The following CXCL10 variants were observed in gnomAD, a reference collection of about 807,000 sequenced individuals.
The protein encoded by CXCL10 is C-X-C motif chemokine 10.
Under a neutral mutation model 10.8 loss-of-function variants are expected in CXCL10, and 6 were observed. That is an observed-to-expected ratio of 0.55 (90% CI 0.30 to 1.09). CXCL10 has a LOEUF of 1.09. Ranked by LOEUF, CXCL10 falls within the 50% of genes least tolerant of loss-of-function variation. The probability of loss-of-function intolerance (pLI) is 0.06; values close to 1 mark genes in which losing one functional copy is unlikely to be tolerated. For synonymous variants in CXCL10, 35 were observed against 35.8 expected (o/e 0.98, Z 0.08); for missense variants, 114 against 114.3 (o/e 1.00, Z 0.01).
chr4:76,023,432 G>C lies in CXCL10; in HGVS notation c.-1C>G, dbSNP rs1733074044. ...AAATCAGAATGGCAGTTTGATTCAT[G>C]GTGCTGAGACTGGAGGTTCCTCTGC... is the stretch of plus-strand genomic sequence containing the variant. On this transcript the variant is annotated 5_prime_UTR_variant, in exon 1 of 4. Transcript: ENST00000306602. 6.2e-7 allele frequency: 1 copy of C among 1,613,718 alleles called. No individual in the cohort carries two copies. Among genetic ancestry groups the C allele is most frequent in the Non-Finnish European group, 8.5e-7 (1 of 1,179,646 alleles).
intron 1 of CXCL10, among the ~76,000 whole-genome samples, chr4:76,023,067 A>G (rs1006125710): frequency 3.9e-5 from 6 of 152,214 alleles, no homozygotes; most frequent in Admixed American, 3.9e-4. Flanking sequence ...CATTGAGCTT[A>G]GTTAGGTAAG....
At position 76,021,177 on chromosome 4, in the gene CXCL10, T is replaced by C. The variant is rs1044461694; in HGVS notation, c.*753A>G. The C allele has an allele frequency of 3.9e-5, 6 of 152,312 alleles. No homozygotes were observed. Among genetic ancestry groups the C allele is most frequent in the Non-Finnish European group, 5.9e-5 (4 of 68,050 alleles). 9.4% of individuals were successfully genotyped at this position (152,312 alleles called of 1,614,324 possible). On this transcript the variant is annotated 3_prime_UTR_variant, in exon 4 of 4. Transcript: ENST00000306602. ...TCAACATTTAGATAGTCTTTCTTAA[T>C]ATTTCCAGGAGAGTACCTCATTTTT... is the stretch of plus-strand genomic sequence containing the variant.
chr4:76,021,899 A>G lies in CXCL10; in HGVS notation c.*31T>C. Reference sequence around the variant, plus strand: ...AGCCTCTGTGTGGTCCATCCTTGGAAGCACTGCATCGATTTTGCTCCCCTC... The same window carrying G: ...AGCCTCTGTGTGGTCCATCCTTGGAGGCACTGCATCGATTTTGCTCCCCTC... On this transcript the variant is annotated 3_prime_UTR_variant, in exon 4 of 4. Coordinates refer to ENST00000306602, the MANE Select transcript of CXCL10 (RefSeq NM_001565.4). 1 of 1,602,408 alleles carries G rather than the reference A, an allele frequency of 6.2e-7. No individual in the cohort carries two copies. The highest frequency in any genetic ancestry group is 8.6e-7 in the Non-Finnish European group (1 of 1,169,402).
chr4:76,023,302 G>T (rs1028356344), intron 1 of CXCL10, 69 bp downstream of exon 1: 1 of 1,220,998 alleles, frequency 8.2e-7, no homozygotes, highest in Non-Finnish European at 1.2e-6. Context: ...CATTATTTCT[G>T]TATTTTTAGA....
Position 76,022,697 on chromosome 4 carries a change from T to G in CXCL10, c.182A>C (p.Glu61Ala). The G allele has an allele frequency of 6.2e-7, 1 of 1,613,770 alleles. No homozygotes were observed. Among genetic ancestry groups the G allele is most frequent in the Non-Finnish European group, 8.5e-7 (1 of 1,179,818 alleles). ...CAGATGGGATTTCACTCACATGATC[T>G]CAACACGTGGACAAAATTGGCTTGC... ...IPASQFCPRV[E>A]IIATMKKKGE... Residue 61 changes from glutamate to alanine, a missense_variant, in exon 2 of 4, where the codon GAG (glutamate) becomes GCG (alanine). Physicochemically the swap from Glu to Ala is moderately radical, Grantham distance 107. Coordinates refer to ENST00000306602, the MANE Select transcript of CXCL10 (RefSeq NM_001565.4).
In CXCL10 at chr4:76,021,966, G is replaced by A; in HGVS notation, c.279-18C>T. On this transcript the variant is annotated intron_variant, in intron 3 of 3. Coordinates refer to ENST00000306602, the MANE Select transcript of CXCL10 (RefSeq NM_001565.4). The stretch of plus-strand genomic sequence containing the variant: ...TTTTAGACCTGTAAGAAGAGAAAGG[G>A]GATATAAAAGTGTGATAGTCTGACT... The A allele has an allele frequency of 6.2e-7, 1 of 1,605,636 alleles. No individual in the cohort carries two copies.
Position 76,021,822 on chromosome 4 carries a change from A to G in CXCL10, c.*108T>C. ...CACCTTTTAGTGTAACTGCAAACTA[A>G]GAACAATTATGGCTTGACATATACT... On this transcript the variant is annotated 3_prime_UTR_variant, in exon 4 of 4. Transcript: ENST00000306602. The G allele has an allele frequency of 9.0e-7, 1 of 1,113,272 alleles. No individual in the cohort carries two copies. The highest frequency in any genetic ancestry group is 1.4e-6 in the Non-Finnish European group (1 of 731,706). 69.0% of individuals were successfully genotyped at this position (1,113,272 alleles called of 1,614,324 possible). A position where few individuals can be genotyped will look rare whatever the true frequency, so the allele number is the denominator to read the frequency against.
chr4:76,022,953 C>T (rs1733006570), intron 1 of CXCL10, 136 bp from the exon 2 acceptor site: 3 of 806,056 alleles, frequency 3.7e-6, no homozygotes, highest in East Asian at 2.5e-5. Flanking sequence ...GAATGGATCA[C>T]ATCATAACAC....
chr4:76,022,568 TG>T, intron 2 of CXCL10, 113 bp from the exon 3 acceptor site: 4 of 1,474,898 alleles, frequency 2.7e-6, no homozygotes, highest in Non-Finnish European at 2.8e-6. Context: ...TGTTTTTGTT[TG>T]CTGTACATTA....
At position 76,023,466 on chromosome 4, in the gene CXCL10, C is replaced by T. The variant is rs554892214; in HGVS notation, c.-35G>A. On this transcript the variant is annotated 5_prime_UTR_variant, in exon 1 of 4. Transcript: ENST00000306602. ...ACTGGAGGTTCCTCTGCTGTAGGCT[C>T]AGAATATGTCTAAGCAATTGAGGAA... 2 of 1,580,306 alleles carry T rather than the reference C, an allele frequency of 1.3e-6. No individual in the cohort carries two copies. Among genetic ancestry groups the T allele is most frequent in the African/African-American group, 1.3e-5 (1 of 74,368 alleles).
Position 76,021,194 on chromosome 4 carries a change from C to G in CXCL10, c.*736G>C, listed in dbSNP as rs1294171334. The G allele has an allele frequency of 1.3e-5, 2 of 152,086 alleles. No homozygotes were observed. The highest frequency in any genetic ancestry group is 2.9e-5 in the Non-Finnish European group (2 of 68,012). 9.4% of individuals were successfully genotyped at this position (152,086 alleles called of 1,614,324 possible). A position where few individuals can be genotyped will look rare whatever the true frequency, so the allele number is the denominator to read the frequency against. ...TTTCTTAATATTTCCAGGAGAGTACCTCATTTTTATTTTGAAAACCATTCA... is the reference window on the plus strand; with the variant it reads ...TTTCTTAATATTTCCAGGAGAGTACGTCATTTTTATTTTGAAAACCATTCA... On this transcript the variant is annotated 3_prime_UTR_variant, in exon 4 of 4. Transcript: ENST00000306602.
intron 3 of CXCL10, 142 bp from the exon 4 acceptor site, chr4:76,022,090 G>C: frequency 1.2e-6 from 1 of 858,308 alleles, no homozygotes. Flanking sequence ...TATAGGGGTT[G>C]CTTTTTTCAA....
At chr4:76,022,032 A>G (rs1334616557) in intron 3 of CXCL10, 84 bp from the exon 4 acceptor site, 1 of 1,244,854 alleles carries the variant, frequency 8.0e-7, no homozygotes, top group Admixed American at 1.7e-5. Flanking sequence ...TACCGAGTTC[A>G]TAGAATAGAT....
intron 1 of CXCL10, 94 bp from the exon 2 acceptor site, chr4:76,022,911 C>T (rs2149375964): frequency 2.3e-6 from 3 of 1,284,970 alleles, no homozygotes; most frequent in South Asian, 2.9e-5. Context: ...CCTATATCCC[C>T]ATATCAGCAA....
chr4:76,023,305 T>C, intron 1 of CXCL10, 66 bp downstream of exon 1: 1 of 1,260,572 alleles, frequency 7.9e-7, no homozygotes, highest in Non-Finnish European at 1.2e-6. Flanking sequence ...TATTTCTGTA[T>C]TTTTAGAATT....
At chr4:76,022,570 C>T (rs1732956454) in intron 2 of CXCL10, 115 bp from the exon 3 acceptor site, 2 of 1,476,112 alleles carry the variant, frequency 1.4e-6, no homozygotes, top group Admixed American at 1.8e-5. Context: ...TTTTTGTTTG[C>T]TGTACATTAG....
In CXCL10 at chr4:76,022,811, G is replaced by A; in HGVS notation, c.68C>T (p.Pro23Leu). Residue 23 changes from proline (P) to leucine (L), a missense_variant, in exon 2 of 4, where the codon CCT becomes CTT. Pro to Leu is a moderately conservative substitution (Grantham distance 98). Coordinates refer to ENST00000306602, the MANE Select transcript of CXCL10 (RefSeq NM_001565.4). ...GGTACAGCGTACAGTTCTAGAGAGA[G>A]GTACTCCTGTAGGAAAAGAGGAACA... The part of the protein sequence containing the change: ...FLTLSGIQGV[P>L]LSRTVRCTCI... 1 of 1,608,262 alleles carries A rather than the reference G, an allele frequency of 6.2e-7. No homozygotes were observed. Among genetic ancestry groups the A allele is most frequent in the African/African-American group, 1.3e-5 (1 of 75,014 alleles).
Position 76,023,448 on chromosome 4 carries a change from G to A in CXCL10, c.-17C>T. The A allele has an allele frequency of 6.2e-7, 1 of 1,611,726 alleles. No homozygotes were observed. Among genetic ancestry groups the A allele is most frequent in the Non-Finnish European group, 8.5e-7 (1 of 1,177,834 alleles). ...TTGATTCATGGTGCTGAGACTGGAGGTTCCTCTGCTGTAGGCTCAGAATAT... is the reference window on the plus strand; with the variant it reads ...TTGATTCATGGTGCTGAGACTGGAGATTCCTCTGCTGTAGGCTCAGAATAT... On this transcript the variant is annotated 5_prime_UTR_variant, in exon 1 of 4. Coordinates refer to ENST00000306602, the MANE Select transcript of CXCL10 (RefSeq NM_001565.4).
At position 76,021,934 on chromosome 4, in the gene CXCL10, G is replaced by A; in HGVS notation, c.293C>T (p.Pro98Leu). ...AVSKERSKRS[P>L] ...CGATTTTGCTCCCCTCTGGTTTTAA[G>A]GAGATCTTTTAGACCTGTAAGAAGA... Residue 98 changes from proline to leucine, a missense_variant, in exon 4 of 4, where the codon CCT becomes CTT. Transcript: ENST00000306602. 1 of 1,611,880 alleles carries A rather than the reference G, an allele frequency of 6.2e-7. No homozygotes were observed. Among genetic ancestry groups the A allele is most frequent in the Non-Finnish European group, 8.5e-7 (1 of 1,177,970 alleles).
Sources: allele counts gnomAD v4.1 joint callset (sites outside exome capture counted in the v4.1 genomes callset), GRCh38; gene constraint gnomAD v4.1.1; transcripts MANE v1.5; gene names NCBI Gene and HGNC (gene_info 2026-07-23, HGNC 2026-07-21).